The following DLC1 variants were observed in gnomAD, a reference collection of about 807,000 sequenced individuals.
The protein encoded by DLC1 is DLC1 Rho GTPase activating protein, also known as rho GTPase-activating protein 7.
A neutral mutation model predicts 140.3 loss-of-function variants in DLC1; 54 were observed. The ratio of observed to expected loss-of-function variants is 0.38; its 90% CI spans 0.31 to 0.48. The LOEUF (loss-of-function observed/expected upper bound fraction) is 0.48. Ranked by LOEUF, DLC1 falls within the 20% of genes least tolerant of loss-of-function variation. The probability of loss-of-function intolerance (pLI) is 0.96; values close to 1 mark genes in which losing one functional copy is unlikely to be tolerated. For missense variants in DLC1, 2,536 were observed against 1,907.0 expected (o/e 1.33, Z -6.14); for synonymous variants, 986 against 728.1 (o/e 1.35, Z -5.70).
At chr8:13,453,331 A>AATTATTAAAT (rs1484944808) in intron 2 of DLC1, among the ~76,000 whole-genome samples, 1 of 140,438 alleles carries the variant, frequency 7.1e-6, no homozygotes, top group African/African-American at 2.6e-5. Flanking sequence ...TTTTGGTAAT[A>AATTATTAAAT]ATTATTAAAA....
chr8:13,214,854 A>G (rs2117122662), intron 5 of DLC1: 1 of 745,248 alleles, frequency 1.3e-6, no homozygotes, highest in African/African-American at 1.7e-5. Context: ...GAGTGGCAAT[A>G]GATGGGTCTC....
intron 5 of DLC1, among the ~76,000 whole-genome samples, chr8:13,180,394 ATTAG>A (rs1825966750): frequency 6.6e-6 from 1 of 152,218 alleles, no homozygotes; most frequent in Non-Finnish European, 1.5e-5. Context: ...TCAAAGAAAC[ATTAG>A]TTAGATTGTC....
At chr8:13,185,288 T>TTTTTTGTTTG (rs1554464345) in intron 5 of DLC1, among the ~76,000 whole-genome samples, 3 of 144,374 alleles carry the variant, frequency 2.1e-5, no homozygotes, top group African/African-American at 7.7e-5. Flanking sequence ...TTTCTGTTTT[T>TTTTTTGTTTG]TTTGTTTGTT....
intron 1 of DLC1, among the ~76,000 whole-genome samples, chr8:13,578,062 A>G (rs1804908934): frequency 6.6e-6 from 1 of 151,956 alleles, no homozygotes; most frequent in South Asian, 2.1e-4. Flanking sequence ...TTTGTTTTTT[A>G]AAAATTAGGT....
intron 4 of DLC1, among the ~76,000 whole-genome samples, chr8:13,354,837 T>G (rs898359999): frequency 2.0e-5 from 3 of 150,480 alleles, no homozygotes; most frequent in Non-Finnish European, 4.4e-5. Flanking sequence ...TAATCCCAGC[T>G]GTTGGGGAAG....
intron 5 of DLC1, among the ~76,000 whole-genome samples, chr8:13,120,356 A>AATATATATATAT (rs1554577907): frequency 1.4e-3 from 87 of 60,872 alleles, no homozygotes; most frequent in South Asian, 2.2e-3. Context: ...AAAAAAAAAA[A>AATATATATATAT]ATATATATAT....
intron 5 of DLC1, among the ~76,000 whole-genome samples, chr8:13,143,434 G>A (rs563962326): frequency 6.6e-6 from 1 of 152,120 alleles, no homozygotes; most frequent in Admixed American, 6.5e-5. Context: ...TCCTAGGTAG[G>A]TTAGAAAAGG....
intron 1 of DLC1, among the ~76,000 whole-genome samples, chr8:13,598,047 G>T (rs1805739691): frequency 6.6e-6 from 1 of 152,040 alleles, no homozygotes; most frequent in Non-Finnish European, 1.5e-5. Flanking sequence ...GGTCTGTCCT[G>T]TTTCTAAGTA....
At chr8:13,202,822 C>A (rs1827465618) in intron 5 of DLC1, among the ~76,000 whole-genome samples, 1 of 152,030 alleles carries the variant, frequency 6.6e-6, no homozygotes, top group African/African-American at 2.4e-5. Context: ...TACAGGCATG[C>A]ACCTCTGTGT....
chr8:13,393,751 C>T, intron 3 of DLC1, 58 bp from the exon 4 acceptor site: 3 of 1,563,512 alleles, frequency 1.9e-6, no homozygotes, highest in Non-Finnish European at 2.6e-6. Context: ...AAATGCCCTT[C>T]TTCCTACCAC....
chr8:13,584,281 G>C (rs191109582), intron 1 of DLC1: 4 of 154,428 alleles, frequency 2.6e-5, no homozygotes, highest in African/African-American at 7.2e-5. Flanking sequence ...TGCCTGAGCC[G>C]GATGGTGGTC....
At position 13,545,909 on chromosome 8, in the gene DLC1, T is replaced by G. The variant is rs141322164; in HGVS notation, c.-125-45713A>C. ...GGTAAGAAGCCTATCACGTTAAAAATTAACTATTTTTGCAGCCTTAAACAT... is the reference window on the plus strand; with the variant it reads ...GGTAAGAAGCCTATCACGTTAAAAAGTAACTATTTTTGCAGCCTTAAACAT... On this transcript the variant is annotated intron_variant, in intron 1 of 1. Transcript: ENST00000631382. Among the ~76,000 whole-genome samples, 430 of 152,246 alleles carry G rather than the reference T, an allele frequency of 2.8e-3. 3 individuals are homozygous for G. Among genetic ancestry groups the G allele is most frequent in the African/African-American group, 9.3e-3 (388 of 41,552 alleles).
At chr8:13,565,147 C>A (rs962297163) in intron 1 of DLC1, among the ~76,000 whole-genome samples, 1 of 152,144 alleles carries the variant, frequency 6.6e-6, no homozygotes, top group African/African-American at 2.4e-5. Flanking sequence ...CACTGGGTCA[C>A]GCTGAATATT....
At chr8:13,415,114 C>T (rs754795061) in intron 2 of DLC1, among the ~76,000 whole-genome samples, 80 of 151,682 alleles carry the variant, frequency 5.3e-4, no homozygotes, top group Non-Finnish European at 9.7e-4. Flanking sequence ...GCCTGGCCCA[C>T]GATGTTATTT....
intron 7 of DLC1, among the ~76,000 whole-genome samples, chr8:13,106,981 C>T (rs571592358): frequency 5.3e-5 from 8 of 152,284 alleles, no homozygotes; most frequent in South Asian, 4.1e-4. Context: ...CAAGACAAAG[C>T]GAATCACTCC....
intron 5 of DLC1, among the ~76,000 whole-genome samples, chr8:13,237,193 A>C (rs1207230883): frequency 9.0e-6 from 1 of 111,436 alleles, no homozygotes; most frequent in Non-Finnish European, 1.8e-5. Flanking sequence ...GTATATATAT[A>C]TATATGTGTG....
At chr8:13,439,956 A>G (rs766183628) in intron 2 of DLC1, among the ~76,000 whole-genome samples, 12 of 152,182 alleles carry the variant, frequency 7.9e-5, no homozygotes, top group Middle Eastern at 6.3e-3. Context: ...TCTTCCCAGC[A>G]GAAGAATGAA....
intron 2 of DLC1, among the ~76,000 whole-genome samples, chr8:13,475,076 G>C (rs1395107112): frequency 6.6e-6 from 1 of 152,114 alleles, no homozygotes; most frequent in Non-Finnish European, 1.5e-5. Context: ...GCCTCCCTAA[G>C]TGCCAGGATT....
chr8:13,561,452 T>C (rs1028667314), intron 1 of DLC1, among the ~76,000 whole-genome samples: 1 of 152,198 alleles, frequency 6.6e-6, no homozygotes, highest in East Asian at 1.9e-4. Context: ...GCAGAAATTA[T>C]TTAAAAATGA....
Sources: gnomAD v4.1 joint callset for allele counts (sites outside exome capture counted in the v4.1 genomes callset) on GRCh38, gnomAD v4.1.1 for gene constraint, MANE v1.5 for transcripts, NCBI Gene and HGNC (gene_info 2026-07-23, HGNC 2026-07-21) for gene names.